CNTLN: variants seen among roughly 807,000 people sequenced by gnomAD.
CNTLN encodes the protein centlein.
A neutral mutation model predicts 180.0 loss-of-function variants in CNTLN; 212 were observed. The ratio of observed to expected loss-of-function variants is 1.18; its 90% CI spans 1.05 to 1.32. CNTLN has a LOEUF of 1.32. CNTLN is among the 40% of genes most tolerant of loss of function. The pLI is 0.00. For missense variants in CNTLN, 2,095 were observed against 1,610.9 expected (o/e 1.30, Z -5.14); for synonymous variants, 722 against 563.1 (o/e 1.28, Z -3.99).
intron 8 of CNTLN, among the ~76,000 whole-genome samples, chr9:17,326,045 C>A (rs1820268076): frequency 6.6e-6 from 1 of 151,994 alleles, no homozygotes; most frequent in Non-Finnish European, 1.5e-5. Context: ...CCTAAAGGCC[C>A]TTCCCCCATG....
intron 8 of CNTLN, among the ~76,000 whole-genome samples, chr9:17,320,689 C>T (rs1368604911): frequency 1.3e-5 from 2 of 151,694 alleles, no homozygotes; most frequent in Non-Finnish European, 2.9e-5. Flanking sequence ...TTTTAGTAGA[C>T]ACGGGGTTTC....
At chr9:17,320,314 A>G (rs112885546) in intron 8 of CNTLN, among the ~76,000 whole-genome samples, 3,247 of 152,254 alleles carry the variant, frequency 0.021, 121 homozygotes, top group African/African-American at 0.075. Context: ...AGAAGAATAA[A>G]TGTAATGTCT....
chr9:17,152,124 C>G (rs1249155272), intron 2 of CNTLN, among the ~76,000 whole-genome samples: 1 of 152,176 alleles, frequency 6.6e-6, no homozygotes, highest in South Asian at 2.1e-4. Flanking sequence ...CCTGCATTCA[C>G]TGAGTTTTTG....
intron 2 of CNTLN, among the ~76,000 whole-genome samples, chr9:17,176,398 A>G (rs748265446): frequency 6.6e-6 from 1 of 152,056 alleles, no homozygotes; most frequent in Admixed American, 6.6e-5. Context: ...GAATACATGG[A>G]TTTATTTTTG....
At chr9:17,280,653 A>G (rs1828605116) in intron 6 of CNTLN, among the ~76,000 whole-genome samples, 1 of 152,334 alleles carries the variant, frequency 6.6e-6, no homozygotes, top group South Asian at 2.1e-4. Context: ...CCGTGAAGAC[A>G]TCAGGTCACT....
chr9:17,349,483 A>T (rs1177044548), intron 12 of CNTLN, among the ~76,000 whole-genome samples: 2 of 152,158 alleles, frequency 1.3e-5, no homozygotes, highest in Non-Finnish European at 2.9e-5. Context: ...CGAATTTTAA[A>T]AGTTAACTTT....
At chr9:17,315,310 G>A (rs1038684546) in intron 8 of CNTLN, among the ~76,000 whole-genome samples, 6 of 151,984 alleles carry the variant, frequency 3.9e-5, no homozygotes, top group African/African-American at 1.4e-4. Context: ...GATGATATAT[G>A]TTGTTTTTTG....
chr9:17,193,150 A>G (rs1821899802), intron 2 of CNTLN, among the ~76,000 whole-genome samples: 1 of 152,110 alleles, frequency 6.6e-6, no homozygotes, highest in Admixed American at 6.5e-5. Flanking sequence ...TGGGAGTACA[A>G]TTCAAGATGA....
chr9:17,238,500 G>A (rs1014925717), intron 5 of CNTLN, among the ~76,000 whole-genome samples: 27 of 152,074 alleles, frequency 1.8e-4, no homozygotes, highest in African/African-American at 6.3e-4. Context: ...ATTCAGAGAG[G>A]TTCTGTCTTG....
intron 1 of CNTLN, among the ~76,000 whole-genome samples, chr9:17,140,932 AT>A (rs201255997): frequency 0.011 from 1,600 of 152,304 alleles, 32 homozygotes; most frequent in African/African-American, 0.037. Context: ...GGTACATAAA[AT>A]CCATAAGCCA....
At chr9:17,526,225 G>T in the CNTLN span, among the ~76,000 whole-genome samples, 3 of 152,162 alleles carry the variant, frequency 2.0e-5, no homozygotes, top group Non-Finnish European at 2.9e-5. Flanking sequence ...GTGAGCCACC[G>T]TGCCCGGCCT....
chr9:17,257,140 C>A (rs1040692615), intron 5 of CNTLN, among the ~76,000 whole-genome samples: 1 of 151,714 alleles, frequency 6.6e-6, no homozygotes, highest in Non-Finnish European at 1.5e-5. Context: ...TCCCACCCCA[C>A]AACAGTCCCC....
chr9:17,434,946 T>A (rs1033573119), intron 18 of CNTLN, among the ~76,000 whole-genome samples: 2 of 152,208 alleles, frequency 1.3e-5, no homozygotes, highest in Admixed American at 1.3e-4. Context: ...CTATAAGTAA[T>A]GCATTATTTC....
At chr9:17,212,061 T>G (rs150332814) in intron 2 of CNTLN, among the ~76,000 whole-genome samples, 7,069 of 151,666 alleles carry the variant, frequency 0.047, 433 homozygotes, top group African/African-American at 0.15. Context: ...TCTCCTGCCT[T>G]ATTGCCCTGG....
chr9:17,171,256 T>G (rs555357659), intron 2 of CNTLN, among the ~76,000 whole-genome samples: 1 of 152,330 alleles, frequency 6.6e-6, no homozygotes, highest in South Asian at 2.1e-4. Context: ...TGCCTTGCAT[T>G]GATATCTGTG....
At chr9:17,302,105 C>T in intron 7 of CNTLN, 3 of 819,808 alleles carry the variant, frequency 3.7e-6, no homozygotes, top group Non-Finnish European at 4.3e-6. Context: ...CACACACACA[C>T]ACACACACAC....
Position 17,416,115 on chromosome 9 carries a change from G to C in CNTLN, c.3040G>C (p.Glu1014Gln). 1 of 1,613,572 alleles carries C rather than the reference G, an allele frequency of 6.2e-7. No individual in the cohort carries two copies. The highest frequency in any genetic ancestry group is 2.2e-5 in the East Asian group (1 of 44,776). Residue 1014 changes from glutamate to glutamine, a missense_variant, in exon 18 of 26, where the codon GAA (glutamate) becomes CAA (glutamine). Physicochemically the swap from Glu to Gln is conservative, Grantham distance 29. Transcript: ENST00000380647. The stretch of plus-strand genomic sequence containing the variant: ...AGAATTGTCTGTTAAAGAATATAAA[G>C]AAGTTAATGAAAAGCTCCTCCATCA... Reference protein sequence around the residue: ...TAELSVKEYKEVNEKLLHQQQ... With the variant: ...TAELSVKEYKQVNEKLLHQQQ...
chr9:17,486,055 A>G (rs1449695193), intron 24 of CNTLN, among the ~76,000 whole-genome samples: 1 of 152,092 alleles, frequency 6.6e-6, no homozygotes, highest in Non-Finnish European at 1.5e-5. Flanking sequence ...AAAGAATAAG[A>G]GATATAAACA....
chr9:17,443,067 C>G (rs1297589522), intron 18 of CNTLN, among the ~76,000 whole-genome samples: 1 of 151,648 alleles, frequency 6.6e-6, no homozygotes, highest in Non-Finnish European at 1.5e-5. Flanking sequence ...AGCCATCATA[C>G]TTAAAGAAGT....
Sources: allele counts gnomAD v4.1 joint callset (sites outside exome capture counted in the v4.1 genomes callset), GRCh38; gene constraint gnomAD v4.1.1; transcripts MANE v1.5; gene names NCBI Gene and HGNC (gene_info 2026-07-23, HGNC 2026-07-21).